The following SKAP2 variants were observed in gnomAD, a reference collection of about 807,000 sequenced individuals.
SKAP2 encodes the protein src kinase-associated phosphoprotein 2.
In SKAP2, 28 loss-of-function variants were observed where a neutral mutation model predicts 54.9. The ratio of observed to expected loss-of-function variants is 0.51; its 90% CI spans 0.38 to 0.70. The LOEUF is 0.70. Ranked by LOEUF, SKAP2 falls within the 30% of genes least tolerant of loss-of-function variation. The pLI, the probability that SKAP2 is intolerant of heterozygous loss-of-function variation, is 0.00. For missense variants in SKAP2, 356 were observed against 424.1 expected, an observed-to-expected ratio of 0.84 and a Z score of 1.41; for synonymous variants, 137 against 134.3, an observed-to-expected ratio of 1.02 and a Z score of -0.14.
At chr7:26,828,839 C>G (rs1584414194) in intron 4 of SKAP2, among the ~76,000 whole-genome samples, 1 of 150,282 alleles carries the variant, frequency 6.7e-6, no homozygotes, top group African/African-American at 2.5e-5. Context: ...CCAGCCTGGC[C>G]AACATGATGA....
At chr7:26,797,287 T>A (rs1783801973) in intron 4 of SKAP2, among the ~76,000 whole-genome samples, 1 of 152,218 alleles carries the variant, frequency 6.6e-6, no homozygotes, top group Non-Finnish European at 1.5e-5. Context: ...TCTTACCCCG[T>A]GCAGTCATAG....
intron 4 of SKAP2, among the ~76,000 whole-genome samples, chr7:26,751,949 T>C (rs2127966806): frequency 6.6e-6 from 1 of 151,914 alleles, no homozygotes; most frequent in African/African-American, 2.4e-5. Context: ...GGAGGCAGAG[T>C]GACAAAGCAA....
intron 6 of SKAP2, among the ~76,000 whole-genome samples, chr7:26,732,040 T>G (rs886183231): frequency 6.6e-6 from 1 of 152,228 alleles, no homozygotes; most frequent in Non-Finnish European, 1.5e-5. Flanking sequence ...CATTTATTAT[T>G]TGGGGCTCCC....
At chr7:26,696,505 T>C (rs1786897898) in intron 9 of SKAP2, among the ~76,000 whole-genome samples, 2 of 152,144 alleles carry the variant, frequency 1.3e-5, no homozygotes, top group Admixed American at 1.3e-4. Flanking sequence ...GATAACCAGA[T>C]TTCTCAGGGG....
At chr7:26,708,885 T>A (rs536096851) in intron 9 of SKAP2, among the ~76,000 whole-genome samples, 1 of 152,348 alleles carries the variant, frequency 6.6e-6, no homozygotes, top group South Asian at 2.1e-4. Flanking sequence ...ATTTGTTGCA[T>A]GAATAATTGA....
At chr7:26,820,774 C>T (rs1784370447) in intron 4 of SKAP2, among the ~76,000 whole-genome samples, 1 of 152,000 alleles carries the variant, frequency 6.6e-6, no homozygotes, top group African/African-American at 2.4e-5. Flanking sequence ...AAATATTGTC[C>T]AACACAAATT....
intron 4 of SKAP2, among the ~76,000 whole-genome samples, chr7:26,800,685 A>G (rs1312896651): frequency 6.6e-6 from 1 of 152,208 alleles, no homozygotes; most frequent in Non-Finnish European, 1.5e-5. Context: ...TACTGCAGAA[A>G]TTCAAAGGAT....
intron 4 of SKAP2, among the ~76,000 whole-genome samples, chr7:26,840,268 G>A (rs1032461205): frequency 2.0e-5 from 3 of 152,058 alleles, no homozygotes; most frequent in African/African-American, 7.2e-5. Context: ...TTATGGTCTA[G>A]GACTGAATCA....
At chr7:26,817,674 T>C (rs1784299225) in intron 4 of SKAP2, among the ~76,000 whole-genome samples, 2 of 152,202 alleles carry the variant, frequency 1.3e-5, no homozygotes, top group African/African-American at 2.4e-5. Context: ...ATGACATTAT[T>C]GTATATTTAG....
intron 1 of SKAP2, chr7:26,857,336 C>G: frequency 1.5e-5 from 1 of 66,500 alleles, no homozygotes; most frequent in Non-Finnish European, 2.7e-5. Flanking sequence ...AAAAAAAAAA[C>G]TTTAAACTGG....
At chr7:26,796,931 C>T (rs113974172) in intron 4 of SKAP2, among the ~76,000 whole-genome samples, 181 of 152,318 alleles carry the variant, frequency 1.2e-3, no homozygotes, top group Admixed American at 3.8e-3. Flanking sequence ...ATATCCCTTA[C>T]TCCTTTACCA....
At chr7:26,780,169 G>C (rs1466767988) in intron 4 of SKAP2, among the ~76,000 whole-genome samples, 1 of 152,104 alleles carries the variant, frequency 6.6e-6, no homozygotes, top group Non-Finnish European at 1.5e-5. Flanking sequence ...TGTAAAATGA[G>C]ATATGTTAGT....
intron 4 of SKAP2, among the ~76,000 whole-genome samples, chr7:26,842,598 G>A (rs748483396): frequency 4.6e-5 from 7 of 151,568 alleles, no homozygotes; most frequent in Non-Finnish European, 5.9e-5. Flanking sequence ...TATATTCTCC[G>A]TATGTCTCTC....
chr7:26,673,558 T>C (rs1469400196), intron 11 of SKAP2, among the ~76,000 whole-genome samples: 1 of 152,056 alleles, frequency 6.6e-6, no homozygotes, highest in East Asian at 1.9e-4. Context: ...TCCAGAGGTG[T>C]AGTGATGCTT....
Position 26,719,053 on chromosome 7 carries a change from G to A in SKAP2, c.796+6375C>T, listed in dbSNP as rs141931152. The stretch of plus-strand genomic sequence containing the variant: ...TAAAAAATTAGGCATGGCAGCGCAT[G>A]CCTGTAGTCCCAGCTACTTAAGAGG... On this transcript the variant is annotated intron_variant, in intron 9 of 12. Transcript: ENST00000345317. 3.3e-5 allele frequency among the ~76,000 whole-genome samples: 5 copies of A among 152,182 alleles called. No homozygotes were observed. In the East Asian group the frequency reaches 9.7e-4, roughly 30 times the overall value.
Position 26,667,582 on chromosome 7 carries a change from T to C in SKAP2, c.*2084A>G, listed in dbSNP as rs118103246. 471 of 152,746 alleles carry C rather than the reference T, an allele frequency of 3.1e-3. 2 individuals carry two copies. The highest frequency in any genetic ancestry group is 5.2e-3 in the Non-Finnish European group (352 of 68,026). 9.5% of individuals were successfully genotyped at this position (152,746 alleles called of 1,614,324 possible). ...CAGAAATAACACCTTATTTCTGTAT[T>C]GTCACTGTTCACGAGACTATCTGGC... On this transcript the variant is annotated 3_prime_UTR_variant, in exon 13 of 13. Coordinates refer to ENST00000345317, the MANE Select transcript of SKAP2 (RefSeq NM_003930.5).
intron 9 of SKAP2, among the ~76,000 whole-genome samples, chr7:26,707,085 C>T (rs1787176784): frequency 6.6e-6 from 1 of 152,132 alleles, no homozygotes; most frequent in Admixed American, 6.6e-5. Flanking sequence ...TAAAGCCAGG[C>T]ACAGTGGGTC....
intron 4 of SKAP2, among the ~76,000 whole-genome samples, chr7:26,806,365 C>T (rs1389860079): frequency 2.0e-5 from 3 of 151,966 alleles, no homozygotes; most frequent in Non-Finnish European, 4.4e-5. Flanking sequence ...CTAGCCTGGG[C>T]AATATAGTGA....
At chr7:26,809,406 T>A (rs1431528865) in intron 4 of SKAP2, among the ~76,000 whole-genome samples, 1 of 150,678 alleles carries the variant, frequency 6.6e-6, no homozygotes, top group Non-Finnish European at 1.5e-5. Context: ...AGAGCAAAAC[T>A]TCGTTTCACA....
Sources: gnomAD v4.1 joint callset for allele counts (sites outside exome capture counted in the v4.1 genomes callset) on GRCh38, gnomAD v4.1.1 for gene constraint, MANE v1.5 for transcripts, NCBI Gene and HGNC (gene_info 2026-07-23, HGNC 2026-07-21) for gene names.